Variants in CSMD1 observed in about 807,000 individuals in gnomAD.
CSMD1 encodes the protein CUB and sushi domain-containing protein 1.
Under a neutral mutation model 417.5 loss-of-function variants are expected in CSMD1, and 213 were observed. That is an observed-to-expected ratio of 0.51 (90% confidence interval 0.46 to 0.57). The LOEUF is 0.57. Among genes scored for constraint, CSMD1 ranks in the 20% least tolerant of loss-of-function variants. CSMD1 has a pLI of 0.00. For missense variants in CSMD1, 6,923 were observed against 4,529.7 expected (o/e 1.53, Z -15.17); for synonymous variants, 2,862 against 1,736.8 (o/e 1.65, Z -16.11).
At chr8:4,273,843 G>A (rs1219413012) in intron 3 of CSMD1, among the ~76,000 whole-genome samples, 2 of 152,136 alleles carry the variant, frequency 1.3e-5, no homozygotes, top group African/African-American at 2.4e-5. Context: ...TTGTGAAGGT[G>A]AAATGATATA....
At chr8:3,412,989 C>T (rs1812911890) in intron 12 of CSMD1, among the ~76,000 whole-genome samples, 1 of 152,166 alleles carries the variant, frequency 6.6e-6, no homozygotes, top group South Asian at 2.1e-4. Context: ...AGTCCAGACA[C>T]CACATTTGGT....
intron 3 of CSMD1, among the ~76,000 whole-genome samples, chr8:4,197,388 T>C (rs913889458): frequency 2.0e-5 from 3 of 152,222 alleles, no homozygotes; most frequent in Non-Finnish European, 4.4e-5. Flanking sequence ...GTGGTGTTTT[T>C]ACATAAGATG....
intron 3 of CSMD1, among the ~76,000 whole-genome samples, chr8:4,162,124 C>T (rs1017602731): frequency 6.6e-6 from 1 of 152,190 alleles, no homozygotes. Flanking sequence ...TTACATGATT[C>T]TAAATAAACT....
At chr8:4,193,608 T>G (rs1458898536) in intron 3 of CSMD1, among the ~76,000 whole-genome samples, 1 of 152,084 alleles carries the variant, frequency 6.6e-6, no homozygotes, top group East Asian at 1.9e-4. Flanking sequence ...CCGGGCCCTC[T>G]GAGGAGCCAA....
chr8:3,337,155 T>A (rs2584224), intron 23 of CSMD1, among the ~76,000 whole-genome samples: 1 of 151,840 alleles, frequency 6.6e-6, no homozygotes, highest in Non-Finnish European at 1.5e-5. Flanking sequence ...GTTCAGTACA[T>A]GACTCTGCCA....
chr8:3,306,512 G>A (rs1014163309), intron 25 of CSMD1, among the ~76,000 whole-genome samples: 3 of 152,126 alleles, frequency 2.0e-5, no homozygotes, highest in African/African-American at 7.2e-5. Flanking sequence ...TGTGTAGGAG[G>A]AGCTGAAGCA....
chr8:4,923,918 T>C (rs1357029881), intron 1 of CSMD1, among the ~76,000 whole-genome samples: 1 of 152,218 alleles, frequency 6.6e-6, no homozygotes, highest in African/African-American at 2.4e-5. Context: ...GTTTGGGTTC[T>C]ATGGAGGAAA....
chr8:4,494,030 G>C (rs1044692186), intron 2 of CSMD1, among the ~76,000 whole-genome samples: 1 of 152,132 alleles, frequency 6.6e-6, no homozygotes, highest in Admixed American at 6.5e-5. Flanking sequence ...AGAGGCCCTG[G>C]GGGAAGGAAC....
chr8:3,315,119 G>C (rs1035596052), intron 23 of CSMD1, among the ~76,000 whole-genome samples: 4 of 152,106 alleles, frequency 2.6e-5, no homozygotes, highest in Non-Finnish European at 5.9e-5. Flanking sequence ...TTGGGATAAT[G>C]TACTTCTTTG....
intron 3 of CSMD1, among the ~76,000 whole-genome samples, chr8:4,333,302 G>T (rs1454865429): frequency 6.6e-6 from 1 of 152,106 alleles, no homozygotes; most frequent in East Asian, 1.9e-4. Context: ...AAGCGTCTCA[G>T]ATGCTGTTGA....
chr8:3,841,586 A>G (rs1305031708), intron 5 of CSMD1, among the ~76,000 whole-genome samples: 1 of 152,268 alleles, frequency 6.6e-6, no homozygotes, highest in East Asian at 1.9e-4. Context: ...ATCACCAAAT[A>G]TTAGCACTAG....
intron 3 of CSMD1, among the ~76,000 whole-genome samples, chr8:4,143,450 G>A (rs1025804763): frequency 6.8e-6 from 1 of 147,478 alleles, no homozygotes. Flanking sequence ...TGGTAAATTT[G>A]TTTTATTACA....
intron 5 of CSMD1, among the ~76,000 whole-genome samples, chr8:3,986,892 T>C (rs1038297526): frequency 3.9e-5 from 6 of 152,048 alleles, no homozygotes; most frequent in Admixed American, 1.3e-4. Context: ...GTAGCTGGGA[T>C]TGCAGGTGCA....
intron 7 of CSMD1, among the ~76,000 whole-genome samples, chr8:3,693,161 T>C (rs1800348274): frequency 6.6e-6 from 1 of 152,206 alleles, no homozygotes; most frequent in Non-Finnish European, 1.5e-5. Context: ...AGTAATTTGC[T>C]ATAGTGAGTA....
At chr8:3,509,566 TTTCTA>T (rs1367307979) in intron 10 of CSMD1, among the ~76,000 whole-genome samples, 2 of 152,212 alleles carry the variant, frequency 1.3e-5, no homozygotes, top group African/African-American at 4.8e-5. Context: ...CAATTCCAAT[TTTCTA>T]TAACTGTTTC....
At chr8:4,382,437 G>C (rs969013342) in intron 3 of CSMD1, among the ~76,000 whole-genome samples, 1 of 152,204 alleles carries the variant, frequency 6.6e-6, no homozygotes, top group South Asian at 2.1e-4. Context: ...TTGTAGTATA[G>C]TCTGGCCTTG....
intron 2 of CSMD1, among the ~76,000 whole-genome samples, chr8:4,444,338 C>G (rs555188973): frequency 2.2e-5 from 2 of 89,178 alleles, no homozygotes; most frequent in African/African-American, 1.1e-4. Flanking sequence ...CAGAGTGAGA[C>G]TCCATCTCAA....
intron 1 of CSMD1, among the ~76,000 whole-genome samples, chr8:4,821,790 G>C (rs910774356): frequency 6.6e-6 from 1 of 152,002 alleles, no homozygotes; most frequent in Non-Finnish European, 1.5e-5. Flanking sequence ...CAACTCTCTA[G>C]CAATTGGGTA....
intron 3 of CSMD1, among the ~76,000 whole-genome samples, chr8:4,129,568 A>T (rs1802971980): frequency 8.7e-6 from 1 of 115,330 alleles, no homozygotes; most frequent in African/African-American, 3.4e-5. Flanking sequence ...ATTTTAGGTT[A>T]TTTACTTTAC....
Sources: allele counts gnomAD v4.1 joint callset (sites outside exome capture counted in the v4.1 genomes callset), GRCh38; gene constraint gnomAD v4.1.1; transcripts MANE v1.5; gene names NCBI Gene and HGNC (gene_info 2026-07-23, HGNC 2026-07-21).